Variants in KANSL1 observed in about 807,000 individuals in gnomAD.
The protein encoded by KANSL1 is KAT8 regulatory NSL complex subunit 1, also known as MLL1/MLL complex subunit KANSL1.
Under a neutral mutation model 103.6 loss-of-function variants are expected in KANSL1, and 22 were observed. The ratio of observed to expected loss-of-function variants is 0.21; its 90% CI spans 0.15 to 0.30. KANSL1 has a LOEUF of 0.30. KANSL1 is among the 10% of genes least tolerant of loss of function. KANSL1 has a pLI of 1.00. For synonymous variants in KANSL1, 600 were observed against 527.6 expected (o/e 1.14, Z -1.88); for missense variants, 1,337 against 1,399.8 (o/e 0.96, Z 0.72).
At chr17:46,181,521 C>G (rs2046794711) in intron 1 of KANSL1, among the ~76,000 whole-genome samples, 1 of 152,226 alleles carries the variant, frequency 6.6e-6, no homozygotes, top group Non-Finnish European at 1.5e-5. Flanking sequence ...CCTCCGCCTC[C>G]CAGGTTCAAA....
chr17:46,185,664 T>TATAC (rs1319370192), intron 1 of KANSL1, among the ~76,000 whole-genome samples: 6 of 147,026 alleles, frequency 4.1e-5, no homozygotes, highest in Non-Finnish European at 7.4e-5. Flanking sequence ...AACATATATA[T>TATAC]ATACACATAT....
chr17:46,194,056 G>GT (rs772102967), upstream of KANSL1, among the ~76,000 whole-genome samples: 8 of 149,570 alleles, frequency 5.3e-5, no homozygotes, highest in Non-Finnish European at 1.1e-4. Context: ...GAGTTGGGCG[G>GT]GGTGGGGAGG....
intron 2 of KANSL1, among the ~76,000 whole-genome samples, chr17:46,133,616 A>G (rs1360087596): frequency 6.6e-6 from 1 of 152,230 alleles, no homozygotes; most frequent in Non-Finnish European, 1.5e-5. Flanking sequence ...TCAGCTCAGT[A>G]AAGTGCCTCC....
intron 7 of KANSL1, 143 bp from the exon 8 acceptor site, chr17:46,040,027 G>A (rs2077266115): frequency 8.8e-6 from 6 of 685,586 alleles, no homozygotes; most frequent in Non-Finnish European, 1.2e-5. Flanking sequence ...ATCTGTTTAC[G>A]TGAACATTAC....
intron 1 of KANSL1, among the ~76,000 whole-genome samples, chr17:46,214,564 G>C (rs2048280586): frequency 6.6e-6 from 1 of 152,264 alleles, no homozygotes; most frequent in South Asian, 2.1e-4. Flanking sequence ...TGAGGCAGGA[G>C]AATCACTTCA....
At chr17:46,113,746 GGGGGTACAGTCCTT>G (rs2042923672) in intron 2 of KANSL1, among the ~76,000 whole-genome samples, 2 of 152,168 alleles carry the variant, frequency 1.3e-5, no homozygotes, top group African/African-American at 4.8e-5. Flanking sequence ...CTACATGGGA[GGGGGTACAGTCCTT>G]ATAGGTAGAC....
chr17:46,112,049 C>T (rs2042832537), intron 2 of KANSL1, among the ~76,000 whole-genome samples: 1 of 152,068 alleles, frequency 6.6e-6, no homozygotes, highest in Admixed American at 6.6e-5. Context: ...TTATTGTACA[C>T]CTCTATAGGG....
chr17:46,182,524 T>A (rs1352928173), intron 1 of KANSL1, among the ~76,000 whole-genome samples: 1 of 152,270 alleles, frequency 6.6e-6, no homozygotes, highest in Non-Finnish European at 1.5e-5. Context: ...AAGACCATTA[T>A]CAATTTCCTT....
chr17:46,102,257 C>CTT (rs372702592), intron 2 of KANSL1, among the ~76,000 whole-genome samples: 1 of 150,172 alleles, frequency 6.7e-6, no homozygotes, highest in African/African-American at 2.4e-5. Context: ...AGAGCCAATA[C>CTT]TTTTTTTTTT....
intron 3 of KANSL1, chr17:46,093,889 A>G (rs1568440212): frequency 6.6e-6 from 1 of 152,272 alleles, no homozygotes; most frequent in Non-Finnish European, 1.5e-5. Flanking sequence ...ACTTAAAATA[A>G]TGGTACATCT....
At chr17:46,093,109 T>C (rs1403015947) in intron 3 of KANSL1, 4 of 152,202 alleles carry the variant, frequency 2.6e-5, no homozygotes, top group Non-Finnish European at 4.4e-5. Flanking sequence ...TTCTCAAATA[T>C]AGAAAATCCC....
chr17:46,215,543 T>G (rs2048313719), intron 1 of KANSL1, among the ~76,000 whole-genome samples: 1 of 152,176 alleles, frequency 6.6e-6, no homozygotes, highest in Non-Finnish European at 1.5e-5. Flanking sequence ...GATGAAGGTC[T>G]GGACTCAAAA....
intron 2 of KANSL1, among the ~76,000 whole-genome samples, chr17:46,161,526 A>C (rs967206386): frequency 6.6e-6 from 1 of 152,162 alleles, no homozygotes; most frequent in Non-Finnish European, 1.5e-5. Context: ...TTCAGTCCCA[A>C]AGGCCCTAAA....
chr17:46,056,904 G>A (rs1201024371), intron 6 of KANSL1, among the ~76,000 whole-genome samples: 2 of 152,256 alleles, frequency 1.3e-5, no homozygotes, highest in Admixed American at 6.5e-5. Flanking sequence ...CTGTCCTCAT[G>A]GTGCATGTGC....
At chr17:46,169,168 G>A (rs1297704452) in intron 2 of KANSL1, among the ~76,000 whole-genome samples, 2 of 152,246 alleles carry the variant, frequency 1.3e-5, no homozygotes, top group Non-Finnish European at 2.9e-5. Flanking sequence ...TTTTAAAGCG[G>A]TGATTTAAAC....
Position 46,031,629 on chromosome 17 carries a change from A to G in KANSL1, c.3165T>C (p.Asp1055=). The G allele has an allele frequency of 1.2e-6, 2 of 1,613,984 alleles. 1 individual carries two copies. The highest frequency in any genetic ancestry group is 1.7e-6 in the Non-Finnish European group (2 of 1,179,908). Residue 1055 remains aspartate, a synonymous_variant, in exon 15 of 15, where the codon GAT becomes GAC. Coordinates refer to ENST00000432791, the MANE Select transcript of KANSL1 (RefSeq NM_015443.4). ...SPQAECEDQL[D]AQERAARCTR... is the part of the protein sequence containing the mutation. ...TGCAGCGGGCTGCTCGCTCCTGTGC[A>G]TCCAGCTGGTCCTCACACTCCGCCT...
intron 1 of KANSL1, among the ~76,000 whole-genome samples, chr17:46,216,366 G>A (rs1283539912): frequency 5.3e-5 from 8 of 151,798 alleles, no homozygotes; most frequent in East Asian, 2.0e-4. Flanking sequence ...TTGGGAGGCC[G>A]AGGCAGGTGG....
chr17:46,210,724 G>C (rs2048141435), intron 1 of KANSL1, among the ~76,000 whole-genome samples: 1 of 152,104 alleles, frequency 6.6e-6, no homozygotes, highest in Non-Finnish European at 1.5e-5. Flanking sequence ...TCCTAATAAT[G>C]AAATACCACA....
chr17:46,071,235 AGG>A (rs753467807), intron 4 of KANSL1, among the ~76,000 whole-genome samples: 39 of 152,202 alleles, frequency 2.6e-4, no homozygotes, highest in Non-Finnish European at 5.4e-4. Context: ...AAGAACATAG[AGG>A]TATACAGAGG....
Sources: gnomAD v4.1 joint callset for allele counts (sites outside exome capture counted in the v4.1 genomes callset) on GRCh38, gnomAD v4.1.1 for gene constraint, MANE v1.5 for transcripts, NCBI Gene and HGNC (gene_info 2026-07-23, HGNC 2026-07-21) for gene names.